The following BMPR1B variants were observed in gnomAD, a reference collection of about 807,000 sequenced individuals.
The protein encoded by BMPR1B is bone morphogenetic protein receptor type 1B.
Under a neutral mutation model 59.1 loss-of-function variants are expected in BMPR1B, and 12 were observed. That is an observed-to-expected ratio of 0.20 (90% CI 0.13 to 0.33). The LOEUF is 0.33. BMPR1B is among the 10% of genes least tolerant of loss of function. BMPR1B has a pLI of 1.00. For missense variants in BMPR1B, 550 were observed against 610.9 expected (o/e 0.90, Z 1.05); for synonymous variants, 237 against 207.3 (o/e 1.14, Z -1.23).
intron 2 of BMPR1B, among the ~76,000 whole-genome samples, chr4:94,917,297 A>G (rs1209037876): frequency 6.6e-6 from 1 of 152,184 alleles, no homozygotes; most frequent in Non-Finnish European, 1.5e-5. Flanking sequence ...TCCAGACCAC[A>G]GAATGGTAGA....
chr4:95,095,842 T>C (rs1262083893), intron 3 of BMPR1B, among the ~76,000 whole-genome samples: 1 of 151,958 alleles, frequency 6.6e-6, no homozygotes, highest in Non-Finnish European at 1.5e-5. Context: ...GACTATGACA[T>C]AAAACAGTCC....
chr4:94,859,109 A>G (rs1578728990), intron 1 of BMPR1B, among the ~76,000 whole-genome samples: 1 of 152,260 alleles, frequency 6.6e-6, no homozygotes, highest in Non-Finnish European at 1.5e-5. Context: ...CCTTTTTTGA[A>G]GAATTTGAAC....
chr4:94,848,218 A>G (rs1391374459), intron 1 of BMPR1B, among the ~76,000 whole-genome samples: 15 of 91,630 alleles, frequency 1.6e-4, no homozygotes, highest in Non-Finnish European at 3.1e-4. Context: ...ATATCAGTTA[A>G]GCTCTCAATC....
At chr4:95,131,828 A>C (rs908129112) in intron 10 of BMPR1B, among the ~76,000 whole-genome samples, 1 of 152,336 alleles carries the variant, frequency 6.6e-6, no homozygotes, top group Middle Eastern at 3.4e-3. Context: ...AGTAGGAAAA[A>C]GTTTTGGGGA....
At chr4:95,138,163 T>C (rs1390225838) in intron 10 of BMPR1B, among the ~76,000 whole-genome samples, 1 of 152,114 alleles carries the variant, frequency 6.6e-6, no homozygotes, top group Non-Finnish European at 1.5e-5. Context: ...CTTTCACTTA[T>C]GAAGCTTAGT....
chr4:94,909,394 C>A (rs1319598770), intron 2 of BMPR1B, among the ~76,000 whole-genome samples: 1 of 151,900 alleles, frequency 6.6e-6, no homozygotes, highest in Non-Finnish European at 1.5e-5. Flanking sequence ...AAAACAATTG[C>A]CAGACTCTGC....
intron 3 of BMPR1B, among the ~76,000 whole-genome samples, chr4:95,097,843 C>G (rs1730543080): frequency 6.6e-6 from 1 of 152,082 alleles, no homozygotes; most frequent in Non-Finnish European, 1.5e-5. Context: ...GCCTGACTTT[C>G]TTTGGTGAAA....
intron 2 of BMPR1B, among the ~76,000 whole-genome samples, chr4:94,967,655 T>C (rs1008355998): frequency 1.3e-5 from 2 of 152,012 alleles, no homozygotes; most frequent in Non-Finnish European, 2.9e-5. Context: ...GCTAATTTTT[T>C]GTATTTTTAG....
At chr4:95,115,571 A>C (rs1731962948) in intron 5 of BMPR1B, 114 bp from the exon 6 acceptor site, 1 of 883,632 alleles carries the variant, frequency 1.1e-6, no homozygotes, top group Non-Finnish European at 1.8e-6. Context: ...GTTTGAGTGA[A>C]ATTGTTAGAA....
chr4:94,919,503 G>A (rs980630490), intron 2 of BMPR1B, among the ~76,000 whole-genome samples: 1 of 152,084 alleles, frequency 6.6e-6, no homozygotes, highest in Admixed American at 6.6e-5. Flanking sequence ...AAAACTGGAC[G>A]TTTTGACAGA....
chr4:94,931,705 G>A (rs79855641), intron 2 of BMPR1B, among the ~76,000 whole-genome samples: 57 of 152,118 alleles, frequency 3.7e-4, no homozygotes, highest in African/African-American at 7.7e-4. Context: ...TTCAGATTTC[G>A]TTCCCTAACT....
At chr4:94,896,495 C>T (rs1299011282) in intron 2 of BMPR1B, among the ~76,000 whole-genome samples, 2 of 151,802 alleles carry the variant, frequency 1.3e-5, no homozygotes, top group Admixed American at 6.6e-5. Flanking sequence ...TATGTAATTT[C>T]TTTGATTATA....
intron 2 of BMPR1B, among the ~76,000 whole-genome samples, chr4:94,901,724 G>A (rs1009151091): frequency 2.6e-5 from 4 of 151,986 alleles, no homozygotes; most frequent in African/African-American, 7.2e-5. Flanking sequence ...GAATATGGCA[G>A]AAGAGGAATT....
intron 1 of BMPR1B, among the ~76,000 whole-genome samples, chr4:94,822,509 C>A (rs1476356993): frequency 1.3e-5 from 2 of 151,998 alleles, no homozygotes; most frequent in Non-Finnish European, 2.9e-5. Context: ...GAATGAGGAG[C>A]AAAATGGATA....
intron 2 of BMPR1B, among the ~76,000 whole-genome samples, chr4:94,910,780 G>T (rs986012546): frequency 2.6e-5 from 4 of 151,900 alleles, no homozygotes; most frequent in Non-Finnish European, 4.4e-5. Flanking sequence ...CAGGCATAGT[G>T]GCACACCTGT....
At chr4:95,096,520 A>C (rs1730383689) in intron 3 of BMPR1B, among the ~76,000 whole-genome samples, 1 of 151,196 alleles carries the variant, frequency 6.6e-6, no homozygotes, top group South Asian at 2.1e-4. Context: ...TAAGGAATAT[A>C]ATTTAGTCGT....
intron 3 of BMPR1B, among the ~76,000 whole-genome samples, chr4:95,030,843 A>G (rs1724789349): frequency 1.3e-5 from 2 of 152,334 alleles, no homozygotes; most frequent in South Asian, 4.1e-4. Flanking sequence ...AAGGAGAACT[A>G]CAAACCACTG....
At chr4:95,066,036 T>C (rs1188143353) in intron 3 of BMPR1B, among the ~76,000 whole-genome samples, 1 of 152,168 alleles carries the variant, frequency 6.6e-6, no homozygotes, top group Non-Finnish European at 1.5e-5. Context: ...TGGTACCTTC[T>C]TGGGACAGCT....
chr4:95,101,004 G>A (rs1730781373), intron 3 of BMPR1B, among the ~76,000 whole-genome samples: 1 of 152,032 alleles, frequency 6.6e-6, no homozygotes, highest in South Asian at 2.1e-4. Context: ...CTAAATTAGT[G>A]GCTCATGTGT....
Sources: allele counts gnomAD v4.1 joint callset (sites outside exome capture counted in the v4.1 genomes callset), GRCh38; gene constraint gnomAD v4.1.1; transcripts MANE v1.5; gene names NCBI Gene and HGNC (gene_info 2026-07-23, HGNC 2026-07-21).